PCLO: variants seen among roughly 807,000 people sequenced by gnomAD.
The protein encoded by PCLO is piccolo presynaptic cytomatrix protein.
In PCLO, 82 loss-of-function variants were observed where a neutral mutation model predicts 427.5. The ratio of observed to expected loss-of-function variants is 0.19; its 90% confidence interval spans 0.16 to 0.23. The LOEUF is 0.23. Ranked by LOEUF, PCLO falls within the 10% of genes least tolerant of loss-of-function variation. PCLO has a pLI of 1.00. For missense variants in PCLO, 6,239 were observed against 6,115.9 expected, an observed-to-expected ratio of 1.02 and a Z score of -0.67; for synonymous variants, 2,357 against 2,155.4, an observed-to-expected ratio of 1.09 and a Z score of -2.59.
chr7:82,988,415 CAT>C (rs1796302504), intron 3 of PCLO, among the ~76,000 whole-genome samples: 1 of 152,098 alleles, frequency 6.6e-6, no homozygotes, highest in South Asian at 2.1e-4. Flanking sequence ...TAATTTATTA[CAT>C]GTTATTCCAA....
intron 4 of PCLO, among the ~76,000 whole-genome samples, chr7:82,964,304 A>T (rs1403478768): frequency 6.6e-6 from 1 of 152,072 alleles, no homozygotes; most frequent in Non-Finnish European, 1.5e-5. Flanking sequence ...CTTGATGGTG[A>T]AACAGAAAGT....
chr7:83,034,040 T>A (rs559596547), intron 3 of PCLO, among the ~76,000 whole-genome samples: 2 of 152,330 alleles, frequency 1.3e-5, no homozygotes, highest in South Asian at 4.1e-4. Context: ...TAAATAACTT[T>A]AAATTGGAGA....
At chr7:82,844,389 A>T (rs1792446241) in intron 13 of PCLO, among the ~76,000 whole-genome samples, 1 of 152,178 alleles carries the variant, frequency 6.6e-6, no homozygotes, top group Admixed American at 6.6e-5. Flanking sequence ...TTTACGATGC[A>T]ATGATTAAGG....
chr7:82,928,116 A>G (rs1794756046), intron 6 of PCLO, among the ~76,000 whole-genome samples: 1 of 152,210 alleles, frequency 6.6e-6, no homozygotes, highest in Non-Finnish European at 1.5e-5. Flanking sequence ...ATTTAAAAAC[A>G]TATACAATTT....
chr7:83,055,466 T>A (rs1562941359), intron 3 of PCLO, among the ~76,000 whole-genome samples: 1 of 152,140 alleles, frequency 6.6e-6, no homozygotes, highest in African/African-American at 2.4e-5. Flanking sequence ...CATAAAATTA[T>A]TTAGTTGATC....
intron 22 of PCLO, among the ~76,000 whole-genome samples, chr7:82,784,139 CT>C (rs1429009583): frequency 1.3e-5 from 2 of 152,054 alleles, no homozygotes; most frequent in Admixed American, 1.3e-4. Context: ...TAGGATCATC[CT>C]TTTAAAACTT....
chr7:82,954,888 G>C lies in PCLO; in HGVS notation c.6065C>G (p.Ser2022Cys), dbSNP rs199643798. The change falls in exon 5 of 25, where the codon TCT becomes TGT. Residue 2022 changes from serine (S) to cysteine (C), a missense_variant. Ser to Cys is a moderately radical substitution (Grantham distance 112, BLOSUM62 -1). Transcript: ENST00000333891. ...KEFYELESLHSVVPQEDIVSS... is the reference protein window; with the variant it reads ...KEFYELESLHCVVPQEDIVSS... ...AACAATATCTTCCTGAGGCACAACA[G>C]AATGTAAGCTTTCTAACTCATAAAA... 6.2e-7 allele frequency: 1 copy of C among 1,613,844 alleles called. No homozygotes were observed. Among genetic ancestry groups the C allele is most frequent in the Admixed American group, 1.7e-5 (1 of 60,012 alleles).
chr7:83,110,948 T>G (rs531197413), intron 3 of PCLO, among the ~76,000 whole-genome samples: 24 of 152,336 alleles, frequency 1.6e-4, no homozygotes, highest in African/African-American at 5.5e-4. Context: ...TATGGACTTC[T>G]TATTACTATC....
Position 82,805,749 on chromosome 7 carries a change from C to T in PCLO, c.14872G>A (p.Val4958Met), listed in dbSNP as rs139121450. 58 of 1,612,372 alleles carry T rather than the reference C, an allele frequency of 3.6e-5. 1 individual carries two copies. In the East Asian group the frequency reaches 9.1e-4, roughly 25 times the overall value. ...SGSSFGSGYS[V>M]DSEGSSSTAG... is the part of the protein sequence containing the mutation. ...GTGCTGCTGCTTCCTTCACTGTCCA[C>T]GCTATACCCACTGCCAAAGCTGCTG... The change falls in exon 21 of 25, where the codon GTG (valine) becomes ATG (methionine). Residue 4958 changes from valine (V) to methionine (M), a missense_variant. Transcript: ENST00000333891.
In PCLO at chr7:82,954,383, C is replaced by G; in HGVS notation, c.6570G>C (p.Ser2190=). ...GTGAAGAGCTATCTGTGGTACAGACCGAAGAAACAGATGATGTGAGAGAAG... is the reference window on the plus strand; with the variant it reads ...GTGAAGAGCTATCTGTGGTACAGACGGAAGAAACAGATGATGTGAGAGAAG... The part of the protein sequence containing the change: ...DTPSLTSSVS[S]VCTTDSSSPI... Residue 2190 remains serine (S), a synonymous_variant, in exon 5 of 25, where the codon TCG becomes TCC. Transcript: ENST00000333891. 1.9e-6 allele frequency: 3 copies of G among 1,613,688 alleles called. No individual in the cohort carries two copies. Among genetic ancestry groups the G allele is most frequent in the East Asian group, 2.2e-5 (1 of 44,852 alleles).
intron 3 of PCLO, among the ~76,000 whole-genome samples, chr7:83,020,256 A>G (rs144655589): frequency 9.9e-5 from 15 of 152,224 alleles, no homozygotes; most frequent in African/African-American, 2.9e-4. Context: ...TTGTTGATGC[A>G]TGCTGTTACA....
intron 10 of PCLO, among the ~76,000 whole-genome samples, chr7:82,859,614 A>C (rs1792903520): frequency 6.6e-6 from 1 of 152,178 alleles, no homozygotes; most frequent in Non-Finnish European, 1.5e-5. Context: ...AATATCTGGA[A>C]AGCCTTCCCA....
intron 2 of PCLO, among the ~76,000 whole-genome samples, chr7:83,144,970 G>A (rs1027992459): frequency 2.6e-5 from 4 of 152,076 alleles, no homozygotes; most frequent in Admixed American, 1.3e-4. Context: ...TTCTGTAAAT[G>A]GTATTGCAAG....
chr7:82,804,081 AT>A (rs1791412093), intron 21 of PCLO, among the ~76,000 whole-genome samples: 2 of 152,168 alleles, frequency 1.3e-5, no homozygotes, highest in African/African-American at 2.4e-5. Flanking sequence ...ATAACAAATT[AT>A]GTGTGGTTTA....
At chr7:82,811,361 T>C (rs1488056205) in intron 20 of PCLO, among the ~76,000 whole-genome samples, 1 of 151,566 alleles carries the variant, frequency 6.6e-6, no homozygotes, top group Non-Finnish European at 1.5e-5. Context: ...CCATCCCTCT[T>C]TCCTTTCCTT....
At chr7:83,027,499 A>G (rs201019201) in intron 3 of PCLO, among the ~76,000 whole-genome samples, 1 of 151,800 alleles carries the variant, frequency 6.6e-6, no homozygotes, top group East Asian at 1.9e-4. Flanking sequence ...AGGACCAGAT[A>G]GATTCACAGC....
intron 9 of PCLO, among the ~76,000 whole-genome samples, chr7:82,884,147 T>C (rs1793576068): frequency 6.6e-6 from 1 of 152,230 alleles, no homozygotes; most frequent in South Asian, 2.1e-4. Flanking sequence ...TTCCATGAAC[T>C]TGCATTCACA....
At chr7:82,946,221 A>G (rs768903023) in intron 6 of PCLO, among the ~76,000 whole-genome samples, 25 of 152,178 alleles carry the variant, frequency 1.6e-4, no homozygotes, top group Non-Finnish European at 2.9e-4. Context: ...AAGCAGCCAG[A>G]GTCTTTTCAA....
chr7:82,983,859 G>A (rs1179319986), intron 3 of PCLO, among the ~76,000 whole-genome samples: 1 of 151,824 alleles, frequency 6.6e-6, no homozygotes, highest in Non-Finnish European at 1.5e-5. Flanking sequence ...GCAATTCTAA[G>A]AACAAGTGAA....
Sources: gnomAD v4.1 joint callset for allele counts (sites outside exome capture counted in the v4.1 genomes callset) on GRCh38, gnomAD v4.1.1 for gene constraint, MANE v1.5 for transcripts, NCBI Gene and HGNC (gene_info 2026-07-23, HGNC 2026-07-21) for gene names.